The following POU6F2 variants were observed in gnomAD, a reference collection of about 807,000 sequenced individuals.
The protein encoded by POU6F2 is POU class 6 homeobox 2.
A neutral mutation model predicts 71.3 loss-of-function variants in POU6F2; 31 were observed. The ratio of observed to expected loss-of-function variants is 0.43; its 90% CI spans 0.33 to 0.59. The LOEUF (loss-of-function observed/expected upper bound fraction) is 0.59, where lower values mean the gene tolerates loss of function less well. Among genes scored for constraint, POU6F2 ranks in the 20% least tolerant of loss-of-function variants. The pLI is 0.04. For synonymous variants in POU6F2, 347 were observed against 355.7 expected, an observed-to-expected ratio of 0.98 and a Z score of 0.27; for missense variants, 783 against 856.8, an observed-to-expected ratio of 0.91 and a Z score of 1.07.
intron 4 of POU6F2, among the ~76,000 whole-genome samples, chr7:39,227,470 G>T (rs948540858): frequency 6.6e-6 from 1 of 151,578 alleles, no homozygotes; most frequent in Admixed American, 6.6e-5. Flanking sequence ...CATCACCTGG[G>T]CTTTGTAAAA....
chr7:39,222,125 A>G (rs969439502), intron 4 of POU6F2, among the ~76,000 whole-genome samples: 13 of 152,220 alleles, frequency 8.5e-5, no homozygotes, highest in Admixed American at 2.0e-4. Context: ...TGCTGTCACT[A>G]AAGAATGTTT....
At chr7:39,133,456 T>C (rs17171542) in intron 2 of POU6F2, among the ~76,000 whole-genome samples, 2,628 of 152,324 alleles carry the variant, frequency 0.017, 67 homozygotes, top group African/African-American at 0.06. Context: ...GTTTCAAAAG[T>C]TGGGTCTCCT....
At chr7:39,369,807 C>T (rs1191187044) in intron 5 of POU6F2, among the ~76,000 whole-genome samples, 2 of 151,998 alleles carry the variant, frequency 1.3e-5, no homozygotes, top group Non-Finnish European at 2.9e-5. Context: ...CCTCAACCTC[C>T]CAAGTAGCTA....
At chr7:39,034,416 G>A (rs992180596) in intron 1 of POU6F2, 6 of 353,962 alleles carry the variant, frequency 1.7e-5, no homozygotes, top group Admixed American at 5.5e-5. Flanking sequence ...AGAAAATGAC[G>A]TGCACCTGAA....
At chr7:39,351,197 C>G (rs1037034060) in intron 5 of POU6F2, among the ~76,000 whole-genome samples, 1 of 152,180 alleles carries the variant, frequency 6.6e-6, no homozygotes, top group Non-Finnish European at 1.5e-5. Flanking sequence ...TTTGTTTATG[C>G]AAAATGCTTT....
At chr7:39,269,448 C>T (rs1438057956) in intron 4 of POU6F2, among the ~76,000 whole-genome samples, 1 of 152,250 alleles carries the variant, frequency 6.6e-6, no homozygotes, top group East Asian at 1.9e-4. Flanking sequence ...CCCAACACCC[C>T]CACCAGATAC....
At chr7:39,099,618 C>G (rs1277429920) in intron 2 of POU6F2, among the ~76,000 whole-genome samples, 1 of 152,118 alleles carries the variant, frequency 6.6e-6, no homozygotes, top group Non-Finnish European at 1.5e-5. Flanking sequence ...CGATGGTAAC[C>G]TGGGTTTGAA....
intron 1 of POU6F2, among the ~76,000 whole-genome samples, chr7:39,069,662 GTATGT>G (rs1353958548): frequency 2.6e-5 from 4 of 152,008 alleles, no homozygotes; most frequent in African/African-American, 9.7e-5. Context: ...CACTTATTTA[GTATGT>G]TATATGTATT....
In POU6F2 at chr7:39,466,096, A is replaced by G. The variant is rs1179993325; in HGVS notation, c.*1410A>G. The G allele has an allele frequency of 1.3e-5, 2 of 152,226 alleles. No homozygotes were observed. Among genetic ancestry groups the G allele is most frequent in the East Asian group, 3.8e-4 (2 of 5,200 alleles). 9.4% of individuals were successfully genotyped at this position (152,226 alleles called of 1,614,324 possible). A position where few individuals can be genotyped will look rare whatever the true frequency, so the allele number is the denominator to read the frequency against. On this transcript the variant is annotated 3_prime_UTR_variant, in exon 10 of 10. Transcript: ENST00000518318. ...CGATGGCAGACTTTTTTCAGGGGGA[A>G]TAATTACTCTTCGGGATATATAAAT... is the stretch of plus-strand genomic sequence containing the variant.
intron 2 of POU6F2, among the ~76,000 whole-genome samples, chr7:39,160,884 T>A (rs895449929): frequency 6.6e-6 from 1 of 152,226 alleles, no homozygotes; most frequent in Admixed American, 6.5e-5. Context: ...TTACCTTTTT[T>A]TGGGTGCCTC....
intron 1 of POU6F2, among the ~76,000 whole-genome samples, chr7:39,063,330 T>C (rs1790694758): frequency 6.6e-6 from 1 of 152,100 alleles, no homozygotes; most frequent in Non-Finnish European, 1.5e-5. Context: ...GCAACAATTA[T>C]AGCAGAAAAT....
At chr7:39,239,529 T>C (rs1783674821) in intron 4 of POU6F2, among the ~76,000 whole-genome samples, 2 of 152,164 alleles carry the variant, frequency 1.3e-5, no homozygotes, top group Admixed American at 6.6e-5. Flanking sequence ...TAATATGTGG[T>C]ATATGTTTTC....
At chr7:39,143,312 A>C (rs1024659007) in intron 2 of POU6F2, among the ~76,000 whole-genome samples, 1 of 152,146 alleles carries the variant, frequency 6.6e-6, no homozygotes, top group African/African-American at 2.4e-5. Context: ...CAAGAAACCG[A>C]GTTCCGTATA....
chr7:39,292,469 T>G (rs893178389), intron 4 of POU6F2, among the ~76,000 whole-genome samples: 4 of 152,208 alleles, frequency 2.6e-5, no homozygotes, highest in African/African-American at 9.7e-5. Flanking sequence ...CGGCCCATCT[T>G]TGTGTCCACC....
At chr7:39,023,343 C>G (rs1789722488) in intron 1 of POU6F2, among the ~76,000 whole-genome samples, 1 of 151,988 alleles carries the variant, frequency 6.6e-6, no homozygotes, top group African/African-American at 2.4e-5. Context: ...TGATAACATT[C>G]ATATGCTATA....
At chr7:39,175,755 CCCA>C (rs1276728458) in intron 2 of POU6F2, among the ~76,000 whole-genome samples, 1 of 152,084 alleles carries the variant, frequency 6.6e-6, no homozygotes, top group African/African-American at 2.4e-5. Flanking sequence ...ACCCTTAACA[CCCA>C]CTTCTCCAGA....
At chr7:39,231,670 G>A (rs1443635234) in intron 4 of POU6F2, among the ~76,000 whole-genome samples, 1 of 152,070 alleles carries the variant, frequency 6.6e-6, no homozygotes, top group Non-Finnish European at 1.5e-5. Context: ...TTCCAGAACT[G>A]GCTCCTAAAA....
intron 4 of POU6F2, among the ~76,000 whole-genome samples, chr7:39,266,565 A>G (rs4317479): frequency 0.91 from 138,045 of 152,044 alleles, 62,720 homozygotes; most frequent in Middle Eastern, 0.96. Context: ...GGGACTTGCT[A>G]TGTTGCCTAA....
chr7:39,442,108 A>T (rs1005947330), intron 7 of POU6F2, among the ~76,000 whole-genome samples: 1 of 152,120 alleles, frequency 6.6e-6, no homozygotes, highest in East Asian at 1.9e-4. Flanking sequence ...TGCTTGGAAA[A>T]TCCAGTTGCT....
Sources: gnomAD v4.1 joint callset for allele counts (sites outside exome capture counted in the v4.1 genomes callset) on GRCh38, gnomAD v4.1.1 for gene constraint, MANE v1.5 for transcripts, NCBI Gene and HGNC (gene_info 2026-07-23, HGNC 2026-07-21) for gene names.